SLCO5A1: variants seen among roughly 807,000 people sequenced by gnomAD.
SLCO5A1 encodes the protein organic anion transporter polypeptide-related protein 4.
SLCO5A1 carries 39 observed loss-of-function variants against 65.1 expected under a neutral mutation model. The observed-to-expected ratio is 0.60, with a 90% CI of 0.46 to 0.78. SLCO5A1 has a LOEUF of 0.78. Among genes scored for constraint, SLCO5A1 ranks in the 30% least tolerant of loss-of-function variants. The probability of loss-of-function intolerance (pLI) is 0.00; values close to 1 mark genes in which losing one functional copy is unlikely to be tolerated. For missense variants in SLCO5A1, 1,029 were observed against 1,069.4 expected, an observed-to-expected ratio of 0.96 and a Z score of 0.53; for synonymous variants, 438 against 415.7, an observed-to-expected ratio of 1.05 and a Z score of -0.65.
intron 2 of SLCO5A1, among the ~76,000 whole-genome samples, chr8:69,772,658 A>AAAGGAAAT: frequency 9.0e-6 from 1 of 111,216 alleles, no homozygotes; most frequent in South Asian, 3.3e-4. Flanking sequence ...GGAAAGGAAA[A>AAAGGAAAT]GAAATGATTC....
rs1289748804 is a variant in SLCO5A1, at chr8:69,832,119, G to A, written c.555C>T (p.Val185=). 2 of 1,614,138 alleles carry A rather than the reference G, an allele frequency of 1.2e-6. No individual in the cohort carries two copies. Among genetic ancestry groups the A allele is most frequent in the Admixed American group, 1.7e-5 (1 of 60,028 alleles). Residue 185 remains valine (V), a synonymous_variant, in exon 2 of 10, where the codon GTC becomes GTT. Coordinates refer to ENST00000260126, the MANE Select transcript of SLCO5A1 (RefSeq NM_030958.3). This position sits in a 1 kb window ranked among gnomAD's most constrained non-coding sequence, Gnocchi z 4.5. ...GCCGACCCCGGCCGCCGAAGTAGCTGACGAACACCACCACCACCAGGTTCC... is the reference window on the plus strand; with the variant it reads ...GCCGACCCCGGCCGCCGAAGTAGCTAACGAACACCACCACCACCAGGTTCC... The part of the protein sequence containing the change: ...DIGNLVVVVF[V]SYFGGRGRRP...
Position 69,703,997 on chromosome 8 carries a change from A to G in SLCO5A1, c.1622+1034T>C, listed in dbSNP as rs1473200069. ...GGTGTTCAGGGTCGACAAGTTGGTGACATGAAATCAGCCACAGAGGTGTAT... is the reference window on the plus strand; with the variant it reads ...GGTGTTCAGGGTCGACAAGTTGGTGGCATGAAATCAGCCACAGAGGTGTAT... On this transcript the variant is annotated intron_variant, in intron 6 of 9. Coordinates refer to ENST00000260126, the MANE Select transcript of SLCO5A1 (RefSeq NM_030958.3). Among the ~76,000 whole-genome samples, 6 of 152,320 alleles carry G rather than the reference A, an allele frequency of 3.9e-5. No homozygotes were observed. The Middle Eastern group carries it at 0.01, about 259-fold the overall frequency.
At chr8:69,746,722 C>T (rs532394849) in intron 4 of SLCO5A1, among the ~76,000 whole-genome samples, 2 of 152,324 alleles carry the variant, frequency 1.3e-5, no homozygotes, top group South Asian at 4.1e-4. Context: ...TGAGCAGATA[C>T]TCCAGCTAGA....
chr8:69,832,938 T>G lies in SLCO5A1; in HGVS notation c.-265A>C. 1 of 439,786 alleles carries G rather than the reference T, an allele frequency of 2.3e-6. No homozygotes were observed. The allele number at this position is 439,786 out of a possible 1,614,324, so 27.2% of individuals were successfully genotyped here. A position where few individuals can be genotyped will look rare whatever the true frequency, so the allele number is the denominator to read the frequency against. On this transcript the variant is annotated 5_prime_UTR_variant, in exon 2 of 10. Coordinates refer to ENST00000260126, the MANE Select transcript of SLCO5A1 (RefSeq NM_030958.3). The surrounding 1 kb of genome is among the most constrained non-coding windows in gnomAD (Gnocchi z 4.5). ...GTACTGCGATGAGCCCTACTCGGCGTCCCTCTCCGGGCGGTAGCTTGAGGC... is the reference window on the plus strand; with the variant it reads ...GTACTGCGATGAGCCCTACTCGGCGGCCCTCTCCGGGCGGTAGCTTGAGGC...
chr8:69,822,649 T>C (rs1186055360), intron 2 of SLCO5A1, among the ~76,000 whole-genome samples: 2 of 152,220 alleles, frequency 1.3e-5, no homozygotes, highest in African/African-American at 2.4e-5. Context: ...AATTCTACTT[T>C]GACAGAACAG....
At chr8:69,681,622 C>T (rs1813774982) in intron 7 of SLCO5A1, among the ~76,000 whole-genome samples, 1 of 152,062 alleles carries the variant, frequency 6.6e-6, no homozygotes, top group Non-Finnish European at 1.5e-5. Flanking sequence ...AATATGAAAA[C>T]CTTCTCCCAC....
At chr8:69,766,272 T>C (rs1818054236) in intron 2 of SLCO5A1, among the ~76,000 whole-genome samples, 1 of 152,132 alleles carries the variant, frequency 6.6e-6, no homozygotes, top group Non-Finnish European at 1.5e-5. Flanking sequence ...AGCCAGATCA[T>C]GTCACTTCTT....
At chr8:69,745,835 A>G (rs1246499708) in intron 4 of SLCO5A1, among the ~76,000 whole-genome samples, 1 of 152,234 alleles carries the variant, frequency 6.6e-6, no homozygotes, top group Non-Finnish European at 1.5e-5. Flanking sequence ...ATCTAGTTTC[A>G]AAATATAAAT....
intron 3 of SLCO5A1, among the ~76,000 whole-genome samples, chr8:69,758,444 T>C (rs1348722281): frequency 6.6e-6 from 1 of 152,150 alleles, no homozygotes; most frequent in Non-Finnish European, 1.5e-5. Context: ...CTTCCCAAAG[T>C]GCTGGGATTA....
At chr8:69,769,066 C>T (rs762408226) in intron 2 of SLCO5A1, among the ~76,000 whole-genome samples, 18 of 152,084 alleles carry the variant, frequency 1.2e-4, no homozygotes, top group East Asian at 3.9e-4. Flanking sequence ...ATGTGCTGGT[C>T]GCATGGTCAT....
chr8:69,706,028 AAC>A (rs1814953803), intron 5 of SLCO5A1, among the ~76,000 whole-genome samples: 2 of 152,242 alleles, frequency 1.3e-5, no homozygotes, highest in Non-Finnish European at 2.9e-5. Context: ...ACTGGAAATA[AAC>A]CAAATGTCCA....
At chr8:69,694,725 G>A (rs540486741) in intron 6 of SLCO5A1, among the ~76,000 whole-genome samples, 1 of 152,156 alleles carries the variant, frequency 6.6e-6, no homozygotes, top group South Asian at 2.1e-4. Flanking sequence ...GTATTCCTAG[G>A]ACTTGAGAAA....
intron 2 of SLCO5A1, among the ~76,000 whole-genome samples, chr8:69,767,529 A>ATC (rs1394855000): frequency 6.6e-6 from 1 of 152,206 alleles, no homozygotes; most frequent in African/African-American, 2.4e-5. Flanking sequence ...CTCACAGGTT[A>ATC]TCATAGGCAT....
intron 9 of SLCO5A1, among the ~76,000 whole-genome samples, chr8:69,675,253 C>T (rs1219505106): frequency 6.6e-6 from 1 of 151,194 alleles, no homozygotes; most frequent in Non-Finnish European, 1.5e-5. Context: ...CGGCTCACTG[C>T]AACCTCCGCC....
At chr8:69,812,970 C>G (rs570745863) in intron 2 of SLCO5A1, among the ~76,000 whole-genome samples, 1 of 152,152 alleles carries the variant, frequency 6.6e-6, no homozygotes, top group Admixed American at 6.5e-5. Flanking sequence ...AAGTTCAAAT[C>G]AGGACACATT....
intron 6 of SLCO5A1, 66 bp from the exon 7 acceptor site, chr8:69,682,409 G>C: frequency 7.2e-7 from 1 of 1,381,648 alleles, no homozygotes. Context: ...GAAAGGTCTT[G>C]AAATTAATAA....
intron 5 of SLCO5A1, among the ~76,000 whole-genome samples, chr8:69,735,074 C>T (rs1280361107): frequency 6.6e-6 from 1 of 152,146 alleles, no homozygotes; most frequent in African/African-American, 2.4e-5. Context: ...GAAAAAAGCT[C>T]AACATCACTG....
intron 5 of SLCO5A1, among the ~76,000 whole-genome samples, chr8:69,708,036 G>T (rs1416057222): frequency 1.3e-5 from 2 of 152,184 alleles, no homozygotes; most frequent in Admixed American, 1.3e-4. Context: ...ACAAGACGGT[G>T]CAGAGTAAAA....
chr8:69,743,098 C>G (rs1184298465), intron 4 of SLCO5A1, among the ~76,000 whole-genome samples: 1 of 152,152 alleles, frequency 6.6e-6, no homozygotes, highest in African/African-American at 2.4e-5. Context: ...CTGTGCTTGG[C>G]TGTGACCAGA....
Sources: gnomAD v4.1 joint callset for allele counts (sites outside exome capture counted in the v4.1 genomes callset) on GRCh38, gnomAD v4.1.1 for gene constraint, Gnocchi (gnomAD v3.1) non-coding constraint, MANE v1.5 for transcripts, NCBI Gene and HGNC (gene_info 2026-07-23, HGNC 2026-07-21) for gene names.